The following NOXO1 variants were observed in gnomAD, a reference collection of about 807,000 sequenced individuals.
NOXO1 encodes NADPH oxidase organizer 1.
NOXO1 carries 38 observed loss-of-function variants against 33.3 expected under a neutral mutation model. The ratio of observed to expected loss-of-function variants is 1.14; its 90% CI spans 0.88 to 1.50. The LOEUF (loss-of-function observed/expected upper bound fraction) is 1.50. Ranked by LOEUF, NOXO1 falls within the 40% of genes most tolerant of loss-of-function variation. The probability of loss-of-function intolerance (pLI) is 0.00; values close to 1 mark genes in which losing one functional copy is unlikely to be tolerated. For missense variants in NOXO1, 675 were observed against 527.1 expected (o/e 1.28, Z -2.75); for synonymous variants, 302 against 237.3 (o/e 1.27, Z -2.51).
At position 1,980,517 on chromosome 16, in the gene NOXO1, C is replaced by G. The variant is rs376443980; in HGVS notation, c.251G>C (p.Arg84Pro). Residue 84 changes from arginine (R) to proline (P), a missense_variant, in exon 4 of 8, where the codon CGC (arginine) becomes CCC (proline). Transcript: ENST00000356120. The stretch of plus-strand genomic sequence containing the variant: ...CAGGCGCGCCAGGCCGCGGCTCGTG[C>G]GCCCCACGCGTCCCAACAGTGGTGC... ...LDAPLLGRVGRTSRGLARLQL... is the reference protein window; with the variant it reads ...LDAPLLGRVGPTSRGLARLQL... 4.4e-6 allele frequency: 7 copies of G among 1,602,506 alleles called. No individual in the cohort carries two copies. Among genetic ancestry groups the G allele is most frequent in the Non-Finnish European group, 5.9e-6 (7 of 1,178,858 alleles).
In NOXO1 at chr16:1,980,549, A is replaced by T; in HGVS notation, c.224-5T>A. ...CGCGTCCCAACAGTGGTGCATCTTA[A>T]GGCACCACAAAAACGTACTGTGATA... On this transcript the variant is annotated splice_region_variant and splice_polypyrimidine_tract_variant and intron_variant, in intron 3 of 7. Coordinates refer to ENST00000356120, the MANE Select transcript of NOXO1 (RefSeq NM_172167.3). The T allele has an allele frequency of 1.2e-6, 2 of 1,600,324 alleles. No homozygotes were observed. Among genetic ancestry groups the T allele is most frequent in the South Asian group, 2.2e-5 (2 of 90,326 alleles).
In NOXO1 at chr16:1,979,316, C is replaced by T. The variant is rs778532505; in HGVS notation, c.852G>A (p.Val284=). Residue 284 remains valine, a synonymous_variant, in exon 8 of 8, where the codon GTG becomes GTA. Transcript: ENST00000356120. ...YGDRAGLLPA[V]LLRPEGLGAL... ...CGCCCAGCCCTTCCGGCCGCAGCAG[C>T]ACCGCGGGGAGTAGGCCCGCCCGGT... 1.7e-5 allele frequency: 26 copies of T among 1,573,128 alleles called. No homozygotes were observed. Among genetic ancestry groups the T allele is most frequent in the Admixed American group, 3.5e-5 (2 of 57,128 alleles).
chr16:1,981,075 C>G (rs748738988), intron 1 of NOXO1, 39 bp downstream of exon 1: 103 of 1,610,454 alleles, frequency 6.4e-5, no homozygotes, highest in Non-Finnish European at 8.5e-5. Context: ...CACCCCCTTC[C>G]TATCCCTTGG....
At position 1,981,434 on chromosome 16, in the gene NOXO1, A is replaced by C; in HGVS notation, c.-255T>G. The C allele has an allele frequency of 1.1e-6, 1 of 891,688 alleles. No individual in the cohort carries two copies. The highest frequency in any genetic ancestry group is 1.6e-6 in the Non-Finnish European group (1 of 613,864). 55.2% of individuals were successfully genotyped at this position (891,688 alleles called of 1,614,324 possible). ...GGCAGAGCTGCTGGGAGGAAGAAGA[A>C]GAATGAGCTTTCCAGCCCTGGAGGC... On this transcript the variant is annotated 5_prime_UTR_variant, in exon 1 of 8. Coordinates refer to ENST00000356120, the MANE Select transcript of NOXO1 (RefSeq NM_172167.3).
intron 5 of NOXO1, 24 bp downstream of exon 5, chr16:1,979,973 C>G: frequency 6.3e-7 from 1 of 1,592,554 alleles, no homozygotes; most frequent in Non-Finnish European, 8.5e-7. Flanking sequence ...AGGAGCAAAT[C>G]CCTGGGTTCT....
At chr16:1,980,779 C>A in intron 2 of NOXO1, 48 bp from the exon 3 acceptor site, 1 of 1,544,086 alleles carries the variant, frequency 6.5e-7, no homozygotes. Context: ...CACTGTGCAC[C>A]CTTGAGAGGG....
At position 1,979,202 on chromosome 16, in the gene NOXO1, AGGGGCGGTGGCC is replaced by A. The variant is rs1351587658; in HGVS notation, c.954_965del (p.Gln318_Pro322delinsHis). On this transcript the variant is annotated inframe_deletion, in exon 8 of 8. Coordinates refer to ENST00000356120, the MANE Select transcript of NOXO1 (RefSeq NM_172167.3). The stretch of plus-strand genomic sequence containing the variant: ...AAGGTCGGGTGGGCACGGTGGGGGG[AGGGGCGGTGGCC>A]TGGGAGGGTTCAGGGAAGCCCCGGG... 7.8e-7 allele frequency: 1 copy of A among 1,275,674 alleles called. No individual in the cohort carries two copies. Among genetic ancestry groups the A allele is most frequent in the South Asian group, 1.4e-5 (1 of 69,664 alleles). The allele number at this position is 1,275,674 out of a possible 1,614,324, so 79.0% of individuals were successfully genotyped here. A position where few individuals can be genotyped will look rare whatever the true frequency, so the allele number is the denominator to read the frequency against.
Position 1,979,802 on chromosome 16 carries a change from G to T in NOXO1, c.688C>A (p.Leu230Ile). Residue 230 changes from leucine to isoleucine, a missense_variant, in exon 6 of 8, where the codon CTA becomes ATA. Physicochemically the swap from Leu to Ile is conservative, Grantham distance 5. Coordinates refer to ENST00000356120, the MANE Select transcript of NOXO1 (RefSeq NM_172167.3). ...GTTAGGCGCATACCGCTGCTCCCTAGGGACGGGCCTCCCTCCCGGCCTTGG... is the reference window on the plus strand; with the variant it reads ...GTTAGGCGCATACCGCTGCTCCCTATGGACGGGCCTCCCTCCCGGCCTTGG... ...PGQGREGGPS[L>I]GSSGPQFCAS... 6.4e-7 allele frequency: 1 copy of T among 1,555,970 alleles called. No homozygotes were observed.
chr16:1,980,813 G>A, intron 2 of NOXO1, 82 bp from the exon 3 acceptor site: 1 of 1,490,454 alleles, frequency 6.7e-7, no homozygotes, highest in Non-Finnish European at 9.2e-7. Flanking sequence ...CCGGATGGCA[G>A]GGGCTGGGAG....
chr16:1,980,624 C>T (rs1321574826), intron 3 of NOXO1, 32 bp downstream of exon 3: 1 of 1,595,106 alleles, frequency 6.3e-7, no homozygotes. Flanking sequence ...AAGCCACCGC[C>T]TTCCCCGCTC....
In NOXO1 at chr16:1,981,448, A is replaced by G. The variant is rs2083508741; in HGVS notation, c.-269T>C. The G allele has an allele frequency of 3.9e-6, 3 of 777,554 alleles. No homozygotes were observed. The highest frequency in any genetic ancestry group is 5.8e-6 in the Non-Finnish European group (3 of 514,238). 48.2% of individuals were successfully genotyped at this position (777,554 alleles called of 1,614,324 possible). On this transcript the variant is annotated 5_prime_UTR_variant, in exon 1 of 8. Transcript: ENST00000356120. ...GAGGAAGAAGAAGAATGAGCTTTCC[A>G]GCCCTGGAGGCGTGCAAGACTGAAG...
chr16:1,979,210 T>C lies in NOXO1; in HGVS notation c.958A>G (p.Thr320Ala). The change falls in exon 8 of 8, where the codon ACC (threonine) becomes GCC (alanine). Residue 320 changes from threonine (T) to alanine (A), a missense_variant. Transcript: ENST00000356120. ...GTGGGCACGGTGGGGGGAGGGGCGG[T>C]GGCCTGGGAGGGTTCAGGGAAGCCC... ...ARGFPEPSQATAPPPTVPTRP... is the reference protein window; with the variant it reads ...ARGFPEPSQAAAPPPTVPTRP... The C allele has an allele frequency of 6.9e-7, 1 of 1,454,530 alleles. No individual in the cohort carries two copies. The highest frequency in any genetic ancestry group is 9.0e-7 in the Non-Finnish European group (1 of 1,106,606). 90.1% of individuals were successfully genotyped at this position (1,454,530 alleles called of 1,614,324 possible).
At chr16:1,979,717 C>T (rs565390117) in intron 6 of NOXO1, 73 bp downstream of exon 6, 4 of 1,299,476 alleles carry the variant, frequency 3.1e-6, no homozygotes, top group South Asian at 2.9e-5. Flanking sequence ...GCCCTGCCCG[C>T]GGTGCTTCTG....
chr16:1,980,059 C>T lies in NOXO1; in HGVS notation c.524G>A (p.Arg175Gln), dbSNP rs1205661057. The T allele has an allele frequency of 1.2e-6, 2 of 1,607,550 alleles. No individual in the cohort carries two copies. The highest frequency in any genetic ancestry group is 1.7e-6 in the Non-Finnish European group (2 of 1,178,392). ...GGCCTGCGCCTGAAAAGGCCTATCC[C>T]GCGTGTCCTGGGTACAGAAGGGCTG... is the stretch of plus-strand genomic sequence containing the variant. ...CLQPFCTQDTRDRPFQAQAQE... is the reference protein window; with the variant it reads ...CLQPFCTQDTQDRPFQAQAQE... The change falls in exon 5 of 8, where the codon CGG (arginine) becomes CAG (glutamine). Residue 175 changes from arginine (R) to glutamine (Q), a missense_variant. Transcript: ENST00000356120.
chr16:1,979,029 T>C lies in NOXO1; in HGVS notation c.*23A>G. Reference sequence around the variant, plus strand: ...CCCAGCCCTGGGATGGCGCGGTCCATCCCCTCATCGGGATCCTCGCGCTCA... The same window carrying C: ...CCCAGCCCTGGGATGGCGCGGTCCACCCCCTCATCGGGATCCTCGCGCTCA... On this transcript the variant is annotated 3_prime_UTR_variant, in exon 8 of 8. Transcript: ENST00000356120. 6.5e-7 allele frequency: 1 copy of C among 1,534,166 alleles called. No individual in the cohort carries two copies. Among genetic ancestry groups the C allele is most frequent in the Admixed American group, 2.0e-5 (1 of 49,310 alleles).
chr16:1,979,049 C>A lies in NOXO1; in HGVS notation c.*3G>T. 6.5e-7 allele frequency: 1 copy of A among 1,544,416 alleles called. No individual in the cohort carries two copies. ...GTCCATCCCCTCATCGGGATCCTCG[C>A]GCTCACTGCTCCGTCGTGGGGTGCG... On this transcript the variant is annotated 3_prime_UTR_variant, in exon 8 of 8. Transcript: ENST00000356120.
intron 2 of NOXO1, 62 bp downstream of exon 2, chr16:1,980,862 ATGGGAGGCAGTCCAG>A (rs57686758): frequency 0.13 from 189,258 of 1,491,000 alleles, 13,576 homozygotes; most frequent in South Asian, 0.25. Flanking sequence ...GGAGTCACTG[ATGGGAGGCAGTCCAG>A]TGGGAGGCAG....
In NOXO1 at chr16:1,980,988, C is replaced by A; in HGVS notation, c.98G>T (p.Gly33Val). The A allele has an allele frequency of 6.2e-7, 1 of 1,613,284 alleles. No homozygotes were observed. Among genetic ancestry groups the A allele is most frequent in the South Asian group, 1.1e-5 (1 of 91,088 alleles). The part of the protein sequence containing the change: ...TFAFSVRWSD[G>V]SDTFVRRSWD... ...ACTCCTGCGCACGAAGGTGTCGCTG[C>A]CGTCTGACCAGCGCACAGAGAAGGC... The change falls in exon 2 of 8, where the codon GGC becomes GTC. Residue 33 changes from glycine (G) to valine (V), a missense_variant. Gly to Val is a moderately radical substitution (Grantham distance 109). Coordinates refer to ENST00000356120, the MANE Select transcript of NOXO1 (RefSeq NM_172167.3).
chr16:1,981,214 G>A lies in NOXO1; in HGVS notation c.-35C>T. On this transcript the variant is annotated 5_prime_UTR_variant, in exon 1 of 8. Transcript: ENST00000356120. ...TTCCAGGCTGCAGATTCCTGAAATGGGCGAGGACCCTTCTGCCTCCCCGTG... is the reference window on the plus strand; with the variant it reads ...TTCCAGGCTGCAGATTCCTGAAATGAGCGAGGACCCTTCTGCCTCCCCGTG... 1 of 1,612,822 alleles carries A rather than the reference G, an allele frequency of 6.2e-7. No homozygotes were observed. The highest frequency in any genetic ancestry group is 8.5e-7 in the Non-Finnish European group (1 of 1,179,806).
Sources: allele counts gnomAD v4.1 joint callset, GRCh38; gene constraint gnomAD v4.1.1; transcripts MANE v1.5; gene names NCBI Gene and HGNC (gene_info 2026-07-23, HGNC 2026-07-21).